SCUBE2: variants seen among roughly 807,000 people sequenced by gnomAD.
The protein encoded by SCUBE2 is signal peptide, CUB domain and EGF like domain containing 2, also known as signal peptide, CUB and EGF-like domain-containing protein 2.
A neutral mutation model predicts 125.9 loss-of-function variants in SCUBE2; 114 were observed. The ratio of observed to expected loss-of-function variants is 0.91; its 90% CI spans 0.78 to 1.06. SCUBE2 has a LOEUF of 1.06. Among genes scored for constraint, SCUBE2 ranks in the 50% least tolerant of loss-of-function variants. The pLI is 0.00. For missense variants in SCUBE2, 1,255 were observed against 1,301.8 expected (o/e 0.96, Z 0.55); for synonymous variants, 459 against 492.9 (o/e 0.93, Z 0.91).
intron 8 of SCUBE2, 147 bp downstream of exon 8, chr11:9,060,261 G>T: frequency 3.2e-6 from 2 of 620,940 alleles, no homozygotes; most frequent in Non-Finnish European, 5.7e-6. Context: ...TAGCCCAGGG[G>T]GAAAAAGCTC....
Position 9,052,827 on chromosome 11 carries a change from G to A in SCUBE2, c.1453C>T (p.Gln485Ter). 1 of 1,536,412 alleles carries A rather than the reference G, an allele frequency of 6.5e-7. No homozygotes were observed. Among genetic ancestry groups the A allele is most frequent in the Non-Finnish European group, 8.7e-7 (1 of 1,146,164 alleles). Residue 485 changes from glutamine to a stop codon, truncating the protein, a stop_gained, in exon 13 of 23, where the codon CAA becomes TAA. Transcript: ENST00000649792. LOFTEE classifies it high-confidence loss of function. ...CCACAGGTGACAGAGTAGGCCCCTT[G>A]CAGTCCTGACAGACAGAATGTCAAT... ...HSGIHLSSGL[Q>*]GAYSVTCGSS... is the part of the protein sequence containing the mutation.
At chr11:9,073,484 A>T (rs1259870397) in intron 4 of SCUBE2, among the ~76,000 whole-genome samples, 1 of 152,190 alleles carries the variant, frequency 6.6e-6, no homozygotes, top group Non-Finnish European at 1.5e-5. Flanking sequence ...ATCCTTGGAA[A>T]ATGAGACAAA....
intron 2 of SCUBE2, among the ~76,000 whole-genome samples, 166 bp from the exon 3 acceptor site, chr11:9,079,675 T>C (rs1861478481): frequency 6.6e-6 from 1 of 152,158 alleles, no homozygotes; most frequent in Non-Finnish European, 1.5e-5. Context: ...TTGTTTCTAA[T>C]GACAAAATAC....
At chr11:9,055,650 T>C in intron 10 of SCUBE2, 143 bp downstream of exon 10, 1 of 686,638 alleles carries the variant, frequency 1.5e-6, no homozygotes, top group Non-Finnish European at 2.6e-6. Context: ...TGCTCTCAAG[T>C]TGATGGACTC....
chr11:9,078,147 G>C (rs1234705844), intron 3 of SCUBE2, among the ~76,000 whole-genome samples: 2 of 152,220 alleles, frequency 1.3e-5, no homozygotes, highest in Non-Finnish European at 2.9e-5. Flanking sequence ...CACTGAAAGT[G>C]ATTCCATTTG....
Position 9,088,144 on chromosome 11 carries a change from G to T in SCUBE2, c.256+1563C>A, listed in dbSNP as rs1047446423. 2.0e-5 allele frequency among the ~76,000 whole-genome samples: 3 copies of T among 152,332 alleles called. No individual in the cohort carries two copies. In the East Asian group the frequency reaches 5.8e-4, roughly 29 times the overall value. ...AAACAGATTGGTTTGAAACATCAGG[G>T]TCTGGACACTAGGCCATTAAATGGC... On this transcript the variant is annotated intron_variant, in intron 2 of 22. Transcript: ENST00000649792.
chr11:9,070,007 GCATCCTCGTACGGGC>G (rs1275576373), intron 4 of SCUBE2, among the ~76,000 whole-genome samples: 3 of 152,086 alleles, frequency 2.0e-5, no homozygotes, highest in Admixed American at 6.5e-5. Flanking sequence ...TGGCATTTTG[GCATCCTCGTACGGGC>G]CACATGCCCC....
chr11:9,082,146 G>A (rs903840183), intron 2 of SCUBE2, among the ~76,000 whole-genome samples: 3 of 152,186 alleles, frequency 2.0e-5, no homozygotes, highest in Non-Finnish European at 4.4e-5. Context: ...TAGCTGAAAT[G>A]TCTATTCAGA....
intron 4 of SCUBE2, among the ~76,000 whole-genome samples, chr11:9,072,200 GGTTTGTTTT>G (rs141241765): frequency 0.04 from 6,100 of 151,920 alleles, 184 homozygotes; most frequent in South Asian, 0.072. Flanking sequence ...GTTTTGTTTT[GGTTTGTTTT>G]GTTTGTTTTG....
intron 17 of SCUBE2, 37 bp from the exon 18 acceptor site, chr11:9,030,962 C>A: frequency 6.3e-7 from 1 of 1,582,806 alleles, no homozygotes; most frequent in South Asian, 1.1e-5. Flanking sequence ...GCAAGGCCTC[C>A]AGGCAGACCC....
chr11:9,031,127 G>A (rs1590007929), intron 17 of SCUBE2: 1 of 552,158 alleles, frequency 1.8e-6, no homozygotes, highest in East Asian at 3.0e-5. Context: ...TACACACAGG[G>A]CTACACAGCA....
chr11:9,083,096 G>A (rs1389560395), intron 2 of SCUBE2, among the ~76,000 whole-genome samples: 1 of 151,418 alleles, frequency 6.6e-6, no homozygotes, highest in Non-Finnish European at 1.5e-5. Flanking sequence ...GTGACCCACA[G>A]GGCACGGGGA....
chr11:9,047,623 C>T (rs1857931063), intron 15 of SCUBE2, 61 bp from the exon 16 acceptor site: 5 of 1,513,368 alleles, frequency 3.3e-6, no homozygotes, highest in Non-Finnish European at 4.5e-6. Context: ...GTGACAATGG[C>T]CAGATCAACT....
chr11:9,035,895 T>G (rs565503977), intron 16 of SCUBE2, among the ~76,000 whole-genome samples: 2 of 152,158 alleles, frequency 1.3e-5, no homozygotes, highest in Non-Finnish European at 2.9e-5. Flanking sequence ...TTTATATATA[T>G]AGATTTTTTG....
intron 6 of SCUBE2, 123 bp from the exon 7 acceptor site, chr11:9,066,103 G>A (rs1381456531): frequency 6.4e-5 from 43 of 676,982 alleles, no homozygotes; most frequent in Non-Finnish European, 8.7e-5. Context: ...CTCTGTTCAC[G>A]CAATAAAAAT....
intron 6 of SCUBE2, 89 bp from the exon 7 acceptor site, chr11:9,066,069 A>C: frequency 1.2e-6 from 1 of 859,498 alleles, no homozygotes; most frequent in Non-Finnish European, 1.9e-6. Flanking sequence ...AATCCCAGAC[A>C]TAAGAGGAAT....
At chr11:9,059,807 A>G (rs1040296182) in intron 8 of SCUBE2, 1 of 173,862 alleles carries the variant, frequency 5.8e-6, no homozygotes, top group African/African-American at 2.4e-5. Flanking sequence ...GGACTAGAGC[A>G]TTTGTTTTGG....
At chr11:9,083,512 CTGTT>C (rs1775672692) in intron 2 of SCUBE2, among the ~76,000 whole-genome samples, 3 of 151,870 alleles carry the variant, frequency 2.0e-5, no homozygotes, top group Non-Finnish European at 4.4e-5. Flanking sequence ...AGATTTCTCA[CTGTT>C]GGAGAAAGTT....
Position 9,066,713 on chromosome 11 carries a change from A to G in SCUBE2, c.744T>C (p.Asp248=). The G allele has an allele frequency of 1.9e-6, 3 of 1,614,076 alleles. No individual in the cohort carries two copies. The highest frequency in any genetic ancestry group is 1.7e-6 in the Non-Finnish European group (2 of 1,179,954). ...SCHPQYKMHT[D]GRSCLEREDT... is the part of the protein sequence containing the mutation. ...GCCACTCACCAAGGCAGCTCCTCCC[A>G]TCTGTGTGCATCTTGTACTGTGGAT... The change falls in exon 6 of 23, where the codon GAT becomes GAC. Residue 248 remains aspartate, a synonymous_variant. Coordinates refer to ENST00000649792, the MANE Select transcript of SCUBE2 (RefSeq NM_001367977.2).
Sources: allele counts gnomAD v4.1 joint callset (sites outside exome capture counted in the v4.1 genomes callset), GRCh38; gene constraint gnomAD v4.1.1; transcripts MANE v1.5; gene names NCBI Gene and HGNC (gene_info 2026-07-23, HGNC 2026-07-21).